Variants in SLC14A2 observed in about 807,000 individuals in gnomAD.
The protein encoded by SLC14A2 is solute carrier family 14 member 2.
A neutral mutation model predicts 104.6 loss-of-function variants in SLC14A2; 91 were observed. The ratio of observed to expected loss-of-function variants is 0.87; its 90% CI spans 0.73 to 1.04. The LOEUF (loss-of-function observed/expected upper bound fraction) is 1.04, where lower values mean the gene tolerates loss of function less well. SLC14A2 is among the 50% of genes least tolerant of loss of function. SLC14A2 has a pLI of 0.00. For missense variants in SLC14A2, 1,189 were observed against 1,156.0 expected (o/e 1.03, Z -0.41); for synonymous variants, 476 against 466.4 (o/e 1.02, Z -0.27).
At chr18:45,401,703 T>C (rs778917444) in intron 1 of SLC14A2, among the ~76,000 whole-genome samples, 22 of 152,204 alleles carry the variant, frequency 1.4e-4, no homozygotes, top group Non-Finnish European at 2.9e-4. Context: ...GCAAAAAATT[T>C]AGTAGGGATA....
intron 9 of SLC14A2, 44 bp downstream of exon 9, chr18:45,643,225 C>T: frequency 1.9e-6 from 3 of 1,562,550 alleles, no homozygotes; most frequent in Non-Finnish European, 2.6e-6. Flanking sequence ...GTGCTCTTCC[C>T]AGAGCTTCTG....
At chr18:45,574,309 A>C (rs1186818706) in intron 2 of SLC14A2, among the ~76,000 whole-genome samples, 1 of 152,212 alleles carries the variant, frequency 6.6e-6, no homozygotes, top group East Asian at 1.9e-4. Context: ...CAGAAGGTTC[A>C]TGGAAGAGAA....
At chr18:45,662,027 G>A (rs2045943614) in intron 10 of SLC14A2, among the ~76,000 whole-genome samples, 1 of 152,190 alleles carries the variant, frequency 6.6e-6, no homozygotes, top group African/African-American at 2.4e-5. Context: ...AGACAAGGCT[G>A]GGCGCTGTAG....
intron 1 of SLC14A2, among the ~76,000 whole-genome samples, chr18:45,468,347 AG>A (rs2087182749): frequency 6.6e-6 from 1 of 152,076 alleles, no homozygotes; most frequent in Non-Finnish European, 1.5e-5. Context: ...AAGCAAAATA[AG>A]GAAACATTTT....
intron 1 of SLC14A2, among the ~76,000 whole-genome samples, chr18:45,363,478 G>C (rs1192555308): frequency 6.6e-6 from 1 of 152,026 alleles, no homozygotes; most frequent in Non-Finnish European, 1.5e-5. Flanking sequence ...ATGCCACTGG[G>C]GGATCTAAAA....
At chr18:45,497,005 T>C (rs1021593857) in intron 2 of SLC14A2, among the ~76,000 whole-genome samples, 1 of 152,178 alleles carries the variant, frequency 6.6e-6, no homozygotes, top group Admixed American at 6.5e-5. Flanking sequence ...TGAGGCTTTC[T>C]GACTCAGACT....
chr18:45,643,282 T>TGGTA, intron 9 of SLC14A2, 101 bp downstream of exon 9: 1 of 1,008,728 alleles, frequency 9.9e-7, no homozygotes, highest in South Asian at 1.3e-5. Context: ...GAGCGGGTAA[T>TGGTA]GGTAGCTGGT....
the SLC14A2 span, among the ~76,000 whole-genome samples, chr18:45,173,413 T>G: frequency 6.6e-6 from 1 of 151,618 alleles, no homozygotes; most frequent in South Asian, 2.1e-4. Context: ...TTCATCATCA[T>G]GCAAGTAAGA....
chr18:45,620,743 A>G (rs919703674), intron 1 of SLC14A2, among the ~76,000 whole-genome samples: 1 of 152,144 alleles, frequency 6.6e-6, no homozygotes, highest in African/African-American at 2.4e-5. Flanking sequence ...TGTATACTTC[A>G]GCCCCACCAC....
chr18:45,479,319 T>C (rs986752983), intron 1 of SLC14A2, among the ~76,000 whole-genome samples: 1 of 152,218 alleles, frequency 6.6e-6, no homozygotes, highest in Non-Finnish European at 1.5e-5. Context: ...TTAATATTAA[T>C]AGCTAATAAT....
upstream of SLC14A2, among the ~76,000 whole-genome samples, chr18:45,612,541 C>A (rs2044989656): frequency 6.6e-6 from 1 of 152,208 alleles, no homozygotes; most frequent in Non-Finnish European, 1.5e-5. Context: ...CTAGGCACTG[C>A]ACTAAGCAAC....
intron 1 of SLC14A2, among the ~76,000 whole-genome samples, chr18:45,399,908 C>G (rs942844481): frequency 6.6e-6 from 1 of 152,138 alleles, no homozygotes; most frequent in African/African-American, 2.4e-5. Context: ...ATCCTCATCA[C>G]ACTTGGCTGT....
At chr18:45,286,718 T>TTGTGTGTGTGTG (rs112827861) in intron 1 of SLC14A2, among the ~76,000 whole-genome samples, 122 of 150,712 alleles carry the variant, frequency 8.1e-4, no homozygotes, top group South Asian at 3.0e-3. Flanking sequence ...TCCCCCCAAC[T>TTGTGTGTGTGTG]TGTGTGTGTG....
the SLC14A2 span, among the ~76,000 whole-genome samples, chr18:45,175,269 C>T: frequency 6.6e-6 from 1 of 151,942 alleles, no homozygotes; most frequent in Non-Finnish European, 1.5e-5. Context: ...TATATCCACA[C>T]AGTGAAATAA....
At chr18:45,271,461 C>A (rs2084650175) in intron 1 of SLC14A2, among the ~76,000 whole-genome samples, 1 of 152,086 alleles carries the variant, frequency 6.6e-6, no homozygotes, top group Non-Finnish European at 1.5e-5. Flanking sequence ...AAGATAGCAG[C>A]TGGAAAGCAA....
intron 1 of SLC14A2, among the ~76,000 whole-genome samples, chr18:45,398,850 T>C (rs1012963873): frequency 6.6e-6 from 1 of 152,168 alleles, no homozygotes; most frequent in Non-Finnish European, 1.5e-5. Flanking sequence ...ATAGTAATTG[T>C]TCGATGTGTA....
chr18:45,545,439 T>A (rs1316495872), intron 2 of SLC14A2, among the ~76,000 whole-genome samples: 3 of 152,200 alleles, frequency 2.0e-5, no homozygotes, highest in South Asian at 2.1e-4. Context: ...ACAGTCAAGA[T>A]GGAAGTGAAA....
intron 1 of SLC14A2, among the ~76,000 whole-genome samples, chr18:45,623,549 T>C (rs1452533091): frequency 2.0e-5 from 3 of 151,952 alleles, no homozygotes; most frequent in African/African-American, 7.3e-5. Context: ...TCAGAAGAAA[T>C]TGTGGAGAGT....
chr18:45,466,509 T>C (rs1200779033), intron 1 of SLC14A2, among the ~76,000 whole-genome samples: 1 of 149,764 alleles, frequency 6.7e-6, no homozygotes, highest in East Asian at 2.0e-4. Context: ...GAGCTGGGCC[T>C]TGAGGCATGA....
Sources: gnomAD v4.1 joint callset for allele counts (sites outside exome capture counted in the v4.1 genomes callset) on GRCh38, gnomAD v4.1.1 for gene constraint, MANE v1.5 for transcripts, NCBI Gene and HGNC (gene_info 2026-07-23, HGNC 2026-07-21) for gene names.